Variants in CDH18 observed in about 807,000 individuals in gnomAD.
The protein encoded by CDH18 is cadherin-18.
A neutral mutation model predicts 67.9 loss-of-function variants in CDH18; 31 were observed. The observed-to-expected ratio is 0.46, with a 90% CI of 0.34 to 0.62. The LOEUF is 0.62. CDH18 is among the 20% of genes least tolerant of loss of function. The pLI is 0.01. For missense variants in CDH18, 890 were observed against 975.5 expected (o/e 0.91, Z 1.17); for synonymous variants, 362 against 347.2 (o/e 1.04, Z -0.48).
intron 1 of CDH18, among the ~76,000 whole-genome samples, chr5:20,546,909 A>C (rs2126608006): frequency 6.6e-6 from 1 of 152,296 alleles, no homozygotes. Context: ...GGAAACAGAA[A>C]TTGATAAACC....
chr5:20,491,553 G>C (rs1342538009), intron 1 of CDH18, among the ~76,000 whole-genome samples: 1 of 152,120 alleles, frequency 6.6e-6, no homozygotes, highest in Non-Finnish European at 1.5e-5. Context: ...CAAAGTTATT[G>C]TCTAGGTCTG....
intron 2 of CDH18, among the ~76,000 whole-genome samples, chr5:20,025,095 T>C (rs895916896): frequency 3.9e-5 from 6 of 152,246 alleles, no homozygotes; most frequent in Non-Finnish European, 8.8e-5. Flanking sequence ...CCTGTTACTC[T>C]TCTCTGATCA....
In CDH18 at chr5:20,434,013, T is replaced by G. The variant is rs148573967; in HGVS notation, c.-580+141449A>C. Among the ~76,000 whole-genome samples the G allele has an allele frequency of 4.1e-4, 62 of 152,220 alleles. No individual in the cohort carries two copies. The East Asian group carries it at 9.3e-3, about 23-fold the overall frequency. ...CCATTGAGTTCAACAACCATTTGTA[T>G]GAGAATTTAAGCTCCCTGGTACTAG... On this transcript the variant is annotated intron_variant, in intron 1 of 14. Transcript: ENST00000507958.
intron 3 of CDH18, among the ~76,000 whole-genome samples, chr5:19,826,777 A>G (rs1780454440): frequency 6.6e-6 from 1 of 152,170 alleles, no homozygotes; most frequent in African/African-American, 2.4e-5. Context: ...CAGAACAAAA[A>G]CACACTAAGT....
chr5:19,954,672 G>GA (rs916055694), intron 2 of CDH18, among the ~76,000 whole-genome samples: 2 of 151,060 alleles, frequency 1.3e-5, no homozygotes, highest in Admixed American at 6.6e-5. Context: ...AAGTAAATAG[G>GA]AAAAAAAATG....
At chr5:19,815,815 T>C (rs1041438772) in intron 3 of CDH18, among the ~76,000 whole-genome samples, 1 of 151,952 alleles carries the variant, frequency 6.6e-6, no homozygotes, top group Non-Finnish European at 1.5e-5. Flanking sequence ...TTTTTTTATT[T>C]CACTGGAACT....
At chr5:20,205,890 C>G (rs1486876040) in intron 2 of CDH18, among the ~76,000 whole-genome samples, 4 of 151,280 alleles carry the variant, frequency 2.6e-5, no homozygotes, top group South Asian at 2.1e-4. Flanking sequence ...AATATCTATA[C>G]CAAAAAAGTG....
At chr5:19,939,496 A>G (rs1204270639) in intron 2 of CDH18, among the ~76,000 whole-genome samples, 1 of 151,744 alleles carries the variant, frequency 6.6e-6, no homozygotes, top group Non-Finnish European at 1.5e-5. Context: ...TCACCACTGC[A>G]TCACTGATTA....
intron 3 of CDH18, among the ~76,000 whole-genome samples, chr5:19,767,554 A>C (rs1665902109): frequency 6.6e-6 from 1 of 152,154 alleles, no homozygotes; most frequent in Non-Finnish European, 1.5e-5. Context: ...CATAACTGAA[A>C]AAGTCATAGA....
chr5:19,541,359 A>G (rs769420189), intron 9 of CDH18, among the ~76,000 whole-genome samples: 15 of 151,984 alleles, frequency 9.9e-5, no homozygotes, highest in African/African-American at 1.5e-4. Context: ...CATTTTTTTT[A>G]TCTTCTTCTG....
intron 5 of CDH18, among the ~76,000 whole-genome samples, chr5:19,666,237 T>TTATTA (rs1757908537): frequency 3.4e-4 from 43 of 128,162 alleles, no homozygotes; most frequent in Non-Finnish European, 5.4e-4. Context: ...CTGTATGATT[T>TTATTA]TTATTATTAT....
intron 3 of CDH18, among the ~76,000 whole-genome samples, chr5:19,779,960 CAA>C (rs1200461071): frequency 1.3e-5 from 2 of 152,076 alleles, no homozygotes; most frequent in African/African-American, 4.8e-5. Context: ...TTCCATATAA[CAA>C]TGTGAATTTT....
At chr5:19,664,231 T>C (rs889954892) in intron 5 of CDH18, among the ~76,000 whole-genome samples, 1 of 151,886 alleles carries the variant, frequency 6.6e-6, no homozygotes, top group Non-Finnish European at 1.5e-5. Context: ...ATAATATTCA[T>C]GGACACTCAA....
intron 1 of CDH18, among the ~76,000 whole-genome samples, chr5:20,528,186 A>G (rs2126543870): frequency 6.6e-6 from 1 of 152,220 alleles, no homozygotes; most frequent in Non-Finnish European, 1.5e-5. Context: ...ACAATGGTAG[A>G]AGCTTCAATT....
At chr5:19,641,860 G>A (rs571578407) in intron 5 of CDH18, among the ~76,000 whole-genome samples, 14 of 151,774 alleles carry the variant, frequency 9.2e-5, no homozygotes, top group African/African-American at 3.1e-4. Context: ...AAAATAAAAG[G>A]TACCCAAATT....
At chr5:20,411,211 A>G (rs1445259799) in intron 1 of CDH18, among the ~76,000 whole-genome samples, 1 of 152,014 alleles carries the variant, frequency 6.6e-6, no homozygotes, top group Non-Finnish European at 1.5e-5. Context: ...ATAATATTGC[A>G]ATGATACAGT....
In CDH18 at chr5:19,735,225, G is replaced by A. The variant is rs114650625; in HGVS notation, c.523+11717C>T. ...TTTATGTCACTAAGTTCTTTATGTC[G>A]CTGTCAATTGGTCTCAGTGGTTGCT... On this transcript the variant is annotated intron_variant, in intron 4 of 12. Coordinates refer to ENST00000382275, the MANE Select transcript of CDH18 (RefSeq NM_004934.5). 3.6e-3 allele frequency among the ~76,000 whole-genome samples: 547 copies of A among 151,996 alleles called. 1 individual carries two copies. The highest frequency in any genetic ancestry group is 0.013 in the African/African-American group (526 of 41,442).
chr5:20,120,740 A>G (rs1748285191), intron 2 of CDH18, among the ~76,000 whole-genome samples: 1 of 152,152 alleles, frequency 6.6e-6, no homozygotes, highest in Admixed American at 6.5e-5. Context: ...GTTTTGAAAA[A>G]ATGATTAGAT....
At chr5:19,719,282 T>C (rs1765712053) in intron 5 of CDH18, among the ~76,000 whole-genome samples, 1 of 152,014 alleles carries the variant, frequency 6.6e-6, no homozygotes, top group Non-Finnish European at 1.5e-5. Flanking sequence ...TGGACTAATG[T>C]CATATATTTG....
Sources: gnomAD v4.1 joint callset for allele counts (sites outside exome capture counted in the v4.1 genomes callset) on GRCh38, gnomAD v4.1.1 for gene constraint, MANE v1.5 for transcripts, NCBI Gene and HGNC (gene_info 2026-07-23, HGNC 2026-07-21) for gene names.